The following SH3D19 variants were observed in gnomAD, a reference collection of about 807,000 sequenced individuals.
SH3D19 encodes the protein SH3 domain containing 19, also known as SH3 domain-containing protein 19.
Under a neutral mutation model 112.1 loss-of-function variants are expected in SH3D19, and 58 were observed. The ratio of observed to expected loss-of-function variants is 0.52; its 90% confidence interval spans 0.42 to 0.64. The LOEUF is 0.64. Ranked by LOEUF, SH3D19 falls within the 30% of genes least tolerant of loss-of-function variation. The pLI is 0.00. For synonymous variants in SH3D19, 391 were observed against 448.5 expected (o/e 0.87, Z 1.62); for missense variants, 1,090 against 1,263.4 (o/e 0.86, Z 2.08).
intron 1 of SH3D19, among the ~76,000 whole-genome samples, chr4:151,288,474 CA>C (rs932782792): frequency 6.6e-6 from 1 of 152,090 alleles, no homozygotes; most frequent in Non-Finnish European, 1.5e-5. Flanking sequence ...AGGCTGGGGG[CA>C]GTGGCTCAGG....
chr4:151,208,907 G>A (rs1236723785), intron 2 of SH3D19, among the ~76,000 whole-genome samples: 2 of 146,014 alleles, frequency 1.4e-5, no homozygotes, highest in African/African-American at 5.1e-5. Flanking sequence ...TTGATCTCCT[G>A]ACCTTGTGAT....
intron 2 of SH3D19, among the ~76,000 whole-genome samples, chr4:151,191,490 T>C (rs572385674): frequency 6.6e-6 from 1 of 152,186 alleles, no homozygotes; most frequent in East Asian, 1.9e-4. Flanking sequence ...GATTGAGTTA[T>C]GGGGGTGGGT....
intron 1 of SH3D19, among the ~76,000 whole-genome samples, chr4:151,263,388 A>G (rs1772525863): frequency 6.6e-6 from 1 of 152,220 alleles, no homozygotes; most frequent in African/African-American, 2.4e-5. Flanking sequence ...TTCTGAGGAA[A>G]AAGTAGGGAC....
chr4:151,169,763 G>A (rs1241384632), intron 7 of SH3D19, among the ~76,000 whole-genome samples: 2 of 152,156 alleles, frequency 1.3e-5, no homozygotes, highest in Non-Finnish European at 2.9e-5. Flanking sequence ...CCCACGTTCA[G>A]AAATTTATTC....
Position 151,316,575 on chromosome 4 carries a change from A to T in SH3D19, c.112+8666T>A, listed in dbSNP as rs576148642. ...CAAAAAATATTCTAAAAAACATTTA[A>T]TTTTTTTATTTTTTTCTTAATTCAT... On this transcript the variant is annotated intron_variant, in intron 1 of 19. Transcript: ENST00000604030. Among the ~76,000 whole-genome samples the T allele has an allele frequency of 6.9e-4, 104 of 151,698 alleles. No individual in the cohort carries two copies. The Middle Eastern group carries it at 0.014, about 20-fold the overall frequency.
intron 2 of SH3D19, among the ~76,000 whole-genome samples, chr4:151,192,030 C>T (rs1213299140): frequency 6.7e-6 from 1 of 149,306 alleles, no homozygotes; most frequent in Non-Finnish European, 1.5e-5. Flanking sequence ...CTGCAAGCTC[C>T]GCCTCCTGGG....
chr4:151,226,449 A>G, intron 1 of SH3D19: 2 of 996,582 alleles, frequency 2.0e-6, no homozygotes, highest in Non-Finnish European at 2.4e-6. Context: ...GCTCAAAAAA[A>G]TCATTCCATG....
chr4:151,168,455 G>A (rs867271147), intron 7 of SH3D19, among the ~76,000 whole-genome samples: 2 of 147,238 alleles, frequency 1.4e-5, no homozygotes, highest in Admixed American at 6.8e-5. Flanking sequence ...TCTGTCTCAC[G>A]GTGTCACTCT....
rs2149710893 is a variant in SH3D19, at chr4:151,120,568, T to C, written c.*1523A>G. 1 of 152,324 alleles carries C rather than the reference T, an allele frequency of 6.6e-6. No homozygotes were observed. The highest frequency in any genetic ancestry group is 2.4e-5 in the African/African-American group (1 of 41,580). 9.4% of individuals were successfully genotyped at this position (152,324 alleles called of 1,614,324 possible). A position where few individuals can be genotyped will look rare whatever the true frequency, so the allele number is the denominator to read the frequency against. ...TCATGAAATTACTTTTGAGTGAAAT[T>C]TGACAAGAATTTTCTTTATACTCTC... On this transcript the variant is annotated 3_prime_UTR_variant, in exon 20 of 20. Transcript: ENST00000604030.
chr4:151,249,411 T>C (rs770179186), intron 1 of SH3D19, among the ~76,000 whole-genome samples: 5 of 152,208 alleles, frequency 3.3e-5, no homozygotes, highest in Non-Finnish European at 7.3e-5. Flanking sequence ...AAATATTCTG[T>C]ATAGAATTAG....
chr4:151,169,736 A>G (rs1758722383), intron 7 of SH3D19, among the ~76,000 whole-genome samples: 1 of 152,242 alleles, frequency 6.6e-6, no homozygotes, highest in African/African-American at 2.4e-5. Context: ...TAAAGATCAT[A>G]ACCTTTGACT....
chr4:151,232,461 A>T (rs1023644864), intron 1 of SH3D19, among the ~76,000 whole-genome samples: 1 of 152,160 alleles, frequency 6.6e-6, no homozygotes, highest in Non-Finnish European at 1.5e-5. Flanking sequence ...TGTACACTTA[A>T]GCATACCACA....
intron 13 of SH3D19, 36 bp from the exon 14 acceptor site, chr4:151,137,898 A>T: frequency 6.5e-7 from 1 of 1,549,644 alleles, no homozygotes. Context: ...ATGATGAATC[A>T]TCCTGGTTGC....
In SH3D19 at chr4:151,234,744, T is replaced by G. The variant is rs1293000671; in HGVS notation, c.113-8658A>C. Among the ~76,000 whole-genome samples the G allele has an allele frequency of 6.3e-3, 739 of 118,022 alleles. 11 individuals are homozygous for G. The highest frequency in any genetic ancestry group is 0.024 in the African/African-American group (699 of 28,958). 77.4% of individuals were successfully genotyped at this position (118,022 alleles called of 152,430 possible). A position where few individuals can be genotyped will look rare whatever the true frequency, so the allele number is the denominator to read the frequency against. On this transcript the variant is annotated intron_variant, in intron 1 of 19. Coordinates refer to ENST00000604030, the MANE Select transcript of SH3D19 (RefSeq NM_001378122.1). ...TTCTTTCCAAGTTTGTGTTTTTTTT[T>G]TTTTTTTTTTTTTTTTTTTTTTAGA...
intron 1 of SH3D19, among the ~76,000 whole-genome samples, chr4:151,242,332 C>T (rs912439880): frequency 6.6e-6 from 1 of 152,164 alleles, no homozygotes; most frequent in Non-Finnish European, 1.5e-5. Flanking sequence ...ATAATTAGAC[C>T]TGTGTTTATT....
chr4:151,246,973 TG>T (rs1335110543), intron 1 of SH3D19, among the ~76,000 whole-genome samples: 1 of 152,222 alleles, frequency 6.6e-6, no homozygotes, highest in Admixed American at 6.5e-5. Context: ...CCCAAGGTCA[TG>T]GAGCTAGGAA....
At position 151,246,054 on chromosome 4, in the gene SH3D19, A is replaced by T. The variant is rs72723798; in HGVS notation, c.113-19968T>A. ...ATTGAAGACATACAAAAAAAAAAAAAAAGGCTGAAATATAAAGTATTTCCC... is the reference window on the plus strand; with the variant it reads ...ATTGAAGACATACAAAAAAAAAAAATAAGGCTGAAATATAAAGTATTTCCC... On this transcript the variant is annotated intron_variant, in intron 1 of 19. Coordinates refer to ENST00000604030, the MANE Select transcript of SH3D19 (RefSeq NM_001378122.1). 1.2e-3 allele frequency among the ~76,000 whole-genome samples: 178 copies of T among 150,978 alleles called. 1 individual carries two copies. Among genetic ancestry groups the T allele is most frequent in the African/African-American group, 3.5e-3 (145 of 41,382 alleles).
intron 1 of SH3D19, among the ~76,000 whole-genome samples, chr4:151,268,756 CA>C (rs1199294300): frequency 6.9e-6 from 1 of 143,952 alleles, no homozygotes; most frequent in Non-Finnish European, 1.5e-5. Context: ...CATGTCCCTA[CA>C]AAGGACATGA....
intron 1 of SH3D19, among the ~76,000 whole-genome samples, chr4:151,256,737 A>AATT (rs919188570): frequency 5.1e-5 from 5 of 98,240 alleles, no homozygotes; most frequent in African/African-American, 7.3e-5. Context: ...GCTTCAAGTT[A>AATT]ATTATTATTA....
Sources: allele counts gnomAD v4.1 joint callset (sites outside exome capture counted in the v4.1 genomes callset), GRCh38; gene constraint gnomAD v4.1.1; transcripts MANE v1.5; gene names NCBI Gene and HGNC (gene_info 2026-07-23, HGNC 2026-07-21).